The following KHDRBS2 variants were observed in gnomAD, a reference collection of about 807,000 sequenced individuals.
KHDRBS2 encodes the protein KH domain-containing, RNA-binding, signal transduction-associated protein 2.
A neutral mutation model predicts 44.3 loss-of-function variants in KHDRBS2; 26 were observed. That is an observed-to-expected ratio of 0.59 (90% confidence interval 0.43 to 0.81). KHDRBS2 has a LOEUF of 0.81. Among genes scored for constraint, KHDRBS2 ranks in the 40% least tolerant of loss-of-function variants. The pLI is 0.00. For synonymous variants in KHDRBS2, 194 were observed against 151.1 expected (o/e 1.28, Z -2.08); for missense variants, 476 against 433.1 (o/e 1.10, Z -0.88).
At chr6:61,836,457 T>A (rs1443015295) in intron 6 of KHDRBS2, among the ~76,000 whole-genome samples, 1 of 152,040 alleles carries the variant, frequency 6.6e-6, no homozygotes, top group East Asian at 1.9e-4. Flanking sequence ...TGTTTTTAAC[T>A]TTATGAAATT....
At chr6:62,108,902 C>G (rs1584758706) in intron 2 of KHDRBS2, among the ~76,000 whole-genome samples, 1 of 151,986 alleles carries the variant, frequency 6.6e-6, no homozygotes, top group African/African-American at 2.4e-5. Flanking sequence ...ACAATGAGAA[C>G]ACATGGACAC....
intron 2 of KHDRBS2, among the ~76,000 whole-genome samples, chr6:62,104,183 C>A (rs1285431164): frequency 2.6e-5 from 4 of 152,194 alleles, no homozygotes; most frequent in East Asian, 3.8e-4. Context: ...ATTATGTTGA[C>A]CTTATTGATA....
the KHDRBS2 span, among the ~76,000 whole-genome samples, chr6:61,660,729 T>C: frequency 1.3e-5 from 2 of 151,782 alleles, no homozygotes; most frequent in Non-Finnish European, 2.9e-5. Flanking sequence ...TCTACAAAGA[T>C]TTATTGGAAG....
chr6:61,983,347 A>C (rs1039121255), intron 3 of KHDRBS2, among the ~76,000 whole-genome samples: 2 of 150,176 alleles, frequency 1.3e-5, no homozygotes, highest in African/African-American at 2.5e-5. Flanking sequence ...GAGTGCTGGG[A>C]TTATAAGCGT....
intron 6 of KHDRBS2, among the ~76,000 whole-genome samples, chr6:61,750,843 C>T (rs904667856): frequency 4.6e-5 from 7 of 150,562 alleles, no homozygotes; most frequent in Admixed American, 2.0e-4. Flanking sequence ...TTCCTTCCAA[C>T]ATGGAATTTC....
intron 4 of KHDRBS2, among the ~76,000 whole-genome samples, chr6:61,927,097 T>C (rs1253867774): frequency 1.3e-5 from 2 of 152,092 alleles, no homozygotes; most frequent in African/African-American, 4.8e-5. Context: ...TTTAGGTTAC[T>C]AACTTTGTCA....
intron 7 of KHDRBS2, among the ~76,000 whole-genome samples, chr6:61,703,924 A>G (rs1769078617): frequency 6.6e-6 from 1 of 151,910 alleles, no homozygotes; most frequent in Admixed American, 6.6e-5. Flanking sequence ...TTGGAGGAGA[A>G]CATCTATGAT....
At chr6:61,744,999 TCTAA>T (rs1363126635) in intron 6 of KHDRBS2, among the ~76,000 whole-genome samples, 2 of 152,172 alleles carry the variant, frequency 1.3e-5, no homozygotes, top group African/African-American at 4.8e-5. Context: ...TCAAAGCTCA[TCTAA>T]CTATTTTTGG....
At chr6:62,061,846 C>T (rs1466814281) in intron 2 of KHDRBS2, among the ~76,000 whole-genome samples, 4 of 149,302 alleles carry the variant, frequency 2.7e-5, no homozygotes, top group Middle Eastern at 3.4e-3. Flanking sequence ...CACATAGTCC[C>T]ATATTTCTTG....
rs1772864822 is a variant in KHDRBS2, at chr6:61,722,719, T to A, written c.893+9963A>T. Among the ~76,000 whole-genome samples the A allele has an allele frequency of 2.0e-5, 3 of 151,868 alleles. No homozygotes were observed. In the South Asian group the frequency reaches 6.2e-4, roughly 31 times the overall value. ...TGATTCTAATTATATATTTCTATTT[T>A]TTTTTTTTTAGATGGAGTCTCGCTC... On this transcript the variant is annotated intron_variant, in intron 7 of 8. Coordinates refer to ENST00000281156, the MANE Select transcript of KHDRBS2 (RefSeq NM_152688.4).
At chr6:62,242,445 C>A (rs1834831214) in intron 1 of KHDRBS2, among the ~76,000 whole-genome samples, 1 of 152,074 alleles carries the variant, frequency 6.6e-6, no homozygotes, top group Non-Finnish European at 1.5e-5. Flanking sequence ...TTAGCAGCAT[C>A]CCTGGCATCC....
At chr6:62,202,294 A>T (rs1827157935) in intron 1 of KHDRBS2, among the ~76,000 whole-genome samples, 1 of 152,120 alleles carries the variant, frequency 6.6e-6, no homozygotes, top group African/African-American at 2.4e-5. Context: ...TTGACCTTCC[A>T]ATCCAACTCA....
the KHDRBS2 span, among the ~76,000 whole-genome samples, chr6:61,609,677 G>C: frequency 2.2e-4 from 33 of 152,122 alleles, no homozygotes; most frequent in Admixed American, 2.2e-3. Context: ...ACTAGAAAAG[G>C]GTTAATGAAT....
intron 8 of KHDRBS2, among the ~76,000 whole-genome samples, chr6:61,692,599 A>G (rs1767491490): frequency 6.6e-6 from 1 of 152,092 alleles, no homozygotes; most frequent in East Asian, 1.9e-4. Flanking sequence ...GGCCCCAAGG[A>G]GACAAATACA....
rs1159367844 is a variant in KHDRBS2, at chr6:61,955,339, T to C, written c.483+22727A>G. 4.0e-3 allele frequency among the ~76,000 whole-genome samples: 487 copies of C among 121,384 alleles called. 10 individuals carry two copies. Among genetic ancestry groups the C allele is most frequent in the African/African-American group, 8.3e-3 (260 of 31,148 alleles). 79.6% of individuals were successfully genotyped at this position (121,384 alleles called of 152,430 possible). ...ACATATACGTGTATATATACACATA[T>C]GTATGTATACATATATATGTATACA... On this transcript the variant is annotated intron_variant, in intron 4 of 8. Coordinates refer to ENST00000281156, the MANE Select transcript of KHDRBS2 (RefSeq NM_152688.4).
At chr6:61,944,625 A>G (rs1812822730) in intron 4 of KHDRBS2, among the ~76,000 whole-genome samples, 1 of 152,132 alleles carries the variant, frequency 6.6e-6, no homozygotes, top group African/African-American at 2.4e-5. Flanking sequence ...CAATATATTA[A>G]CATATTACAA....
At chr6:62,132,360 C>T (rs1200149863) in intron 2 of KHDRBS2, among the ~76,000 whole-genome samples, 1 of 152,074 alleles carries the variant, frequency 6.6e-6, no homozygotes, top group African/African-American at 2.4e-5. Context: ...AAGTATGGTT[C>T]CTTGACCAAG....
intron 2 of KHDRBS2, among the ~76,000 whole-genome samples, chr6:62,126,899 T>C (rs1479183433): frequency 6.6e-6 from 1 of 152,228 alleles, no homozygotes; most frequent in Non-Finnish European, 1.5e-5. Flanking sequence ...TAGGTTTCCC[T>C]GGCTGATCAA....
chr6:61,896,155 C>T (rs911659917), intron 5 of KHDRBS2, among the ~76,000 whole-genome samples: 4 of 152,098 alleles, frequency 2.6e-5, no homozygotes, highest in Non-Finnish European at 5.9e-5. Context: ...ACCAATTTTG[C>T]CTTCACTGCT....
Sources: gnomAD v4.1 joint callset for allele counts (sites outside exome capture counted in the v4.1 genomes callset) on GRCh38, gnomAD v4.1.1 for gene constraint, MANE v1.5 for transcripts, NCBI Gene and HGNC (gene_info 2026-07-23, HGNC 2026-07-21) for gene names.